Variants in ALMS1 observed in about 807,000 individuals in gnomAD.
The protein encoded by ALMS1 is centrosome-associated protein ALMS1.
ALMS1 carries 271 observed loss-of-function variants against 352.2 expected under a neutral mutation model. The observed-to-expected ratio is 0.77, with a 90% confidence interval of 0.70 to 0.85. The LOEUF (loss-of-function observed/expected upper bound fraction) is 0.85. Among genes scored for constraint, ALMS1 ranks in the 40% least tolerant of loss-of-function variants. The probability of loss-of-function intolerance (pLI) is 0.00; values close to 1 mark genes in which losing one functional copy is unlikely to be tolerated. For missense variants in ALMS1, 5,445 were observed against 4,870.7 expected (o/e 1.12, Z -3.51); for synonymous variants, 1,865 against 1,761.2 (o/e 1.06, Z -1.48).
At chr2:73,597,245 A>G (rs1675571644) in intron 16 of ALMS1, among the ~76,000 whole-genome samples, 2 of 152,116 alleles carry the variant, frequency 1.3e-5, no homozygotes, top group Non-Finnish European at 2.9e-5. Flanking sequence ...TAGAATGTAG[A>G]TATACAATTG....
At chr2:73,526,815 C>T (rs1274350180) in intron 11 of ALMS1, among the ~76,000 whole-genome samples, 2 of 152,140 alleles carry the variant, frequency 1.3e-5, no homozygotes, top group Admixed American at 6.5e-5. Flanking sequence ...TGTTGAATAA[C>T]GGTTTTGAAA....
chr2:73,476,583 T>TG (rs1461377822), intron 9 of ALMS1, among the ~76,000 whole-genome samples: 5 of 151,930 alleles, frequency 3.3e-5, no homozygotes, highest in Non-Finnish European at 7.4e-5. Context: ...TTTTTTTGTT[T>TG]TTTTTTTTCC....
Position 73,572,640 on chromosome 2 carries a change from C to G in ALMS1, c.10763C>G (p.Pro3588Arg). The change falls in exon 16 of 23, where the codon CCA becomes CGA. Residue 3588 changes from proline to arginine, a missense_variant. Physicochemically the swap from Pro to Arg is moderately radical, Grantham distance 103. Coordinates refer to ENST00000613296, the MANE Select transcript of ALMS1 (RefSeq NM_001378454.1). ...CCACAAAGGGATCAGAAGGTCACCC[C>G]AGAGCAAACAACTCAGCACACTGTG... ...SDPQRDQKVT[P>R]EQTTQHTVSL... 6.2e-7 allele frequency: 1 copy of G among 1,614,012 alleles called. No homozygotes were observed.
chr2:73,529,172 T>C (rs932324934), intron 11 of ALMS1, among the ~76,000 whole-genome samples: 1 of 151,342 alleles, frequency 6.6e-6, no homozygotes, highest in African/African-American at 2.4e-5. Context: ...CCCTCCCGAG[T>C]AGCTGGAACT....
At chr2:73,567,966 T>A (rs896275058) in intron 15 of ALMS1, among the ~76,000 whole-genome samples, 1 of 152,102 alleles carries the variant, frequency 6.6e-6, no homozygotes, top group Non-Finnish European at 1.5e-5. Flanking sequence ...AAAACAATTT[T>A]AAAAAATTGA....
intron 1 of ALMS1, among the ~76,000 whole-genome samples, chr2:73,395,079 T>TATA (rs1491525344): frequency 1.9e-3 from 160 of 84,272 alleles, no homozygotes; most frequent in East Asian, 6.0e-3. Context: ...TATATATATA[T>TATA]TTTTTTTTTT....
At chr2:73,605,136 C>G (rs1381456043) in intron 21 of ALMS1, among the ~76,000 whole-genome samples, 1 of 152,144 alleles carries the variant, frequency 6.6e-6, no homozygotes, top group South Asian at 2.1e-4. Flanking sequence ...GTGTTTGTAG[C>G]AGACATTTTC....
chr2:73,462,319 A>G (rs1672222792), intron 9 of ALMS1, among the ~76,000 whole-genome samples: 1 of 152,200 alleles, frequency 6.6e-6, no homozygotes, highest in South Asian at 2.1e-4. Context: ...CTTAAAGAAA[A>G]GAATTTTCAA....
At chr2:73,546,471 A>G (rs1179424925) in intron 12 of ALMS1, among the ~76,000 whole-genome samples, 1 of 152,198 alleles carries the variant, frequency 6.6e-6, no homozygotes, top group East Asian at 1.9e-4. Flanking sequence ...AGGTGTTACA[A>G]TTTCAGTATT....
intron 10 of ALMS1, among the ~76,000 whole-genome samples, chr2:73,518,970 T>C (rs1205713006): frequency 1.3e-5 from 2 of 152,216 alleles, no homozygotes; most frequent in Non-Finnish European, 1.5e-5. Context: ...GCAATTGCTT[T>C]TGGTGTCTTC....
At position 73,449,241 on chromosome 2, in the gene ALMS1, C is replaced by G. The variant is rs748479099; in HGVS notation, c.2714C>G (p.Ser905Cys). The G allele has an allele frequency of 6.3e-5, 101 of 1,614,022 alleles. No homozygotes were observed. The highest frequency in any genetic ancestry group is 8.5e-5 in the Non-Finnish European group (100 of 1,180,008). Residue 905 changes from serine to cysteine, a missense_variant, in exon 8 of 23, where the codon TCT becomes TGT. Coordinates refer to ENST00000613296, the MANE Select transcript of ALMS1 (RefSeq NM_001378454.1). ...DQKTGIPSAP[S>C]SFYSHREKPI... ...AAGACTGGGATACCCTCAGCACCAT[C>G]TAGTTTCTACTCACACAGAGAGAAG... is the stretch of plus-strand genomic sequence containing the variant.
chr2:73,484,780 ATTC>A (rs1168636905), intron 9 of ALMS1, among the ~76,000 whole-genome samples: 4 of 151,950 alleles, frequency 2.6e-5, no homozygotes, highest in Admixed American at 2.6e-4. Flanking sequence ...ATTTCTTTTT[ATTC>A]TTTTTTCTCT....
rs535484933 is a variant in ALMS1 at position 73,603,322 on chromosome 2, A to T, written c.12362+18A>T. On this transcript the variant is annotated intron_variant, in intron 21 of 22. Transcript: ENST00000613296. ...TCCAAACGGTAAGACCAAGAAAACA[A>T]GAGTACGTATACAAGTGTAAACCAG... The T allele has an allele frequency of 8.2e-4, 1,315 of 1,612,896 alleles. 13 individuals are homozygous for T. The African/African-American group carries it at 0.016, about 20-fold the overall frequency.
chr2:73,537,738 G>A (rs1307174540), intron 12 of ALMS1, among the ~76,000 whole-genome samples: 1 of 152,176 alleles, frequency 6.6e-6, no homozygotes, highest in Non-Finnish European at 1.5e-5. Flanking sequence ...CGGGTGCGGT[G>A]GCTCATGCCT....
chr2:73,412,688 C>T (rs1277311481), intron 2 of ALMS1, among the ~76,000 whole-genome samples: 3 of 151,938 alleles, frequency 2.0e-5, no homozygotes, highest in East Asian at 3.9e-4. Context: ...CCCAGCTACT[C>T]GGGAGGCTGA....
At chr2:73,563,565 A>AG (rs1674710140) in intron 15 of ALMS1, among the ~76,000 whole-genome samples, 3 of 151,886 alleles carry the variant, frequency 2.0e-5, no homozygotes, top group Admixed American at 1.3e-4. Flanking sequence ...TACTAAAAAT[A>AG]CAAAAAAATT....
intron 13 of ALMS1, among the ~76,000 whole-genome samples, chr2:73,553,422 C>T (rs1674478273): frequency 6.6e-6 from 1 of 152,108 alleles, no homozygotes; most frequent in South Asian, 2.1e-4. Context: ...AGTTTGAAGC[C>T]TGCAAGGAAA....
At chr2:73,603,733 G>T (rs1302704875) in intron 21 of ALMS1, 1 of 238,418 alleles carries the variant, frequency 4.2e-6, no homozygotes, top group Admixed American at 5.2e-5. Flanking sequence ...GGAGGCACAC[G>T]CCTGTAATCC....
intron 9 of ALMS1, among the ~76,000 whole-genome samples, chr2:73,473,213 TG>T: frequency 6.6e-6 from 1 of 151,830 alleles, no homozygotes; most frequent in Non-Finnish European, 1.5e-5. Context: ...GGCTTAGTGT[TG>T]ATGGAATGCC....
Sources: gnomAD v4.1 joint callset for allele counts (sites outside exome capture counted in the v4.1 genomes callset) on GRCh38, gnomAD v4.1.1 for gene constraint, MANE v1.5 for transcripts, NCBI Gene and HGNC (gene_info 2026-07-23, HGNC 2026-07-21) for gene names.